SHQ1: variants seen among roughly 807,000 people sequenced by gnomAD.
SHQ1 encodes SHQ1, H/ACA ribonucleoprotein assembly factor, also known as protein SHQ1 homolog.
A neutral mutation model predicts 53.8 loss-of-function variants in SHQ1; 49 were observed. The ratio of observed to expected loss-of-function variants is 0.91; its 90% CI spans 0.72 to 1.16. The LOEUF (loss-of-function observed/expected upper bound fraction) is 1.16, where lower values mean the gene tolerates loss of function less well. Among genes scored for constraint, SHQ1 ranks in the 50% most tolerant of loss-of-function variants. The pLI, the probability that SHQ1 is intolerant of heterozygous loss-of-function variation, is 0.00. For missense variants in SHQ1, 738 were observed against 683.1 expected, an observed-to-expected ratio of 1.08 and a Z score of -0.90; for synonymous variants, 243 against 251.0, an observed-to-expected ratio of 0.97 and a Z score of 0.30.
At chr3:72,744,922 T>G (rs887202145), downstream of SHQ1, among the ~76,000 whole-genome samples, 1 of 81,022 alleles carries the variant, frequency 1.2e-5, no homozygotes, top group African/African-American at 6.2e-5. Context: ...ATTTGATACA[T>G]TGGGGGGGGG....
At chr3:72,772,529 A>G (rs1303249574) in intron 10 of SHQ1, 3 of 645,450 alleles carry the variant, frequency 4.6e-6, no homozygotes, top group Non-Finnish European at 8.8e-6. Flanking sequence ...CAAGTCGTAC[A>G]CAACCTAAGC....
At chr3:72,772,558 T>C (rs1411411201) in intron 10 of SHQ1, 1 of 684,446 alleles carries the variant, frequency 1.5e-6, no homozygotes, top group African/African-American at 1.8e-5. Flanking sequence ...ATGGGAAGAT[T>C]GGGCAATTTA....
In SHQ1 at chr3:72,775,733, G is replaced by A. The variant is rs561539493; in HGVS notation, c.1181+17183C>T. On this transcript the variant is annotated intron_variant, in intron 10 of 10. Coordinates refer to ENST00000325599, the MANE Select transcript of SHQ1 (RefSeq NM_018130.3). Reference sequence around the variant, plus strand: ...AGGTTTATCCCAGGAATGCAAGGCCGAATTTGTTCGAAATTTTACACATGC... The same window carrying A: ...AGGTTTATCCCAGGAATGCAAGGCCAAATTTGTTCGAAATTTTACACATGC... Among the ~76,000 whole-genome samples, 164 of 152,072 alleles carry A rather than the reference G, an allele frequency of 1.1e-3. 1 individual carries two copies. The highest frequency in any genetic ancestry group is 3.7e-3 in the African/African-American group (152 of 41,504).
At chr3:72,841,599 C>T (rs981078162) in intron 3 of SHQ1, among the ~76,000 whole-genome samples, 15 of 152,136 alleles carry the variant, frequency 9.9e-5, no homozygotes, top group Non-Finnish European at 1.5e-4. Flanking sequence ...TGGTATTCTT[C>T]GGGTGTTGGA....
At chr3:72,729,647 C>A in the SHQ1 span, among the ~76,000 whole-genome samples, 7 of 152,164 alleles carry the variant, frequency 4.6e-5, no homozygotes, top group Non-Finnish European at 8.8e-5. Context: ...TACATCTAAA[C>A]ACAATTTATG....
At chr3:72,800,026 G>A (rs1706737450) in intron 9 of SHQ1, among the ~76,000 whole-genome samples, 1 of 152,128 alleles carries the variant, frequency 6.6e-6, no homozygotes, top group Non-Finnish European at 1.5e-5. Context: ...GCATCTGTTG[G>A]AAAGTTAATC....
At chr3:72,732,536 C>T in the SHQ1 span, among the ~76,000 whole-genome samples, 2 of 150,184 alleles carry the variant, frequency 1.3e-5, no homozygotes, top group African/African-American at 5.0e-5. Flanking sequence ...GATTTCTCCC[C>T]TTGGTACCCA....
At chr3:72,740,387 T>C in the SHQ1 span, among the ~76,000 whole-genome samples, 6 of 152,110 alleles carry the variant, frequency 3.9e-5, no homozygotes, top group Non-Finnish European at 8.8e-5. Context: ...GGTGTCCAAA[T>C]TGGGATGAAT....
chr3:72,748,311 C>A (rs1705290873), downstream of SHQ1, among the ~76,000 whole-genome samples: 1 of 85,094 alleles, frequency 1.2e-5, no homozygotes, highest in South Asian at 4.4e-4. Flanking sequence ...GGCATCCAAT[C>A]AAAGACTATG....
chr3:72,759,087 T>C (rs1372575436), intron 10 of SHQ1, among the ~76,000 whole-genome samples: 2 of 152,228 alleles, frequency 1.3e-5, no homozygotes, highest in African/African-American at 4.8e-5. Context: ...GTTTGTGTCT[T>C]AGTGTCTCTT....
At chr3:72,780,177 A>G (rs1250856293) in intron 10 of SHQ1, among the ~76,000 whole-genome samples, 1 of 152,248 alleles carries the variant, frequency 6.6e-6, no homozygotes, top group Non-Finnish European at 1.5e-5. Context: ...ATCACAATAA[A>G]GCTTCTGAAA....
At chr3:72,741,459 G>A in the SHQ1 span, among the ~76,000 whole-genome samples, 15 of 152,220 alleles carry the variant, frequency 9.9e-5, no homozygotes, top group East Asian at 2.1e-3. Flanking sequence ...GGTGGCAGAC[G>A]CCTGTAATCC....
chr3:72,828,733 G>A (rs1322321684), intron 5 of SHQ1, among the ~76,000 whole-genome samples: 1 of 152,102 alleles, frequency 6.6e-6, no homozygotes, highest in Non-Finnish European at 1.5e-5. Flanking sequence ...TATAGGTGGG[G>A]AAATGCAAAC....
In SHQ1 at chr3:72,848,402, C is replaced by G. The variant is rs1575749080; in HGVS notation, c.-62G>C. 3 of 1,600,054 alleles carry G rather than the reference C, an allele frequency of 1.9e-6. No homozygotes were observed. The highest frequency in any genetic ancestry group is 1.7e-5 in the Admixed American group (1 of 58,672). ...TCACTGCCGCCGCGTTCCCGCCACG[C>G]AAACTCTCCAACTCCCCACGCGCAG... On this transcript the variant is annotated 5_prime_UTR_variant, in exon 1 of 11. Transcript: ENST00000325599.
At position 72,754,356 on chromosome 3, in the gene SHQ1, A is replaced by G. The variant is rs556236675; in HGVS notation, c.1182-3520T>C. The stretch of plus-strand genomic sequence containing the variant: ...CCTCCCATGAATATACAGGCTCTGC[A>G]AAGTGTTCTTCTCTTCTTTTTCTTC... On this transcript the variant is annotated intron_variant, in intron 10 of 10. Transcript: ENST00000325599. 5.5e-4 allele frequency among the ~76,000 whole-genome samples: 84 copies of G among 151,506 alleles called. 1 individual carries two copies. The South Asian group carries it at 0.014, about 24-fold the overall frequency.
At chr3:72,827,446 G>A (rs937050130) in intron 5 of SHQ1, among the ~76,000 whole-genome samples, 11 of 152,004 alleles carry the variant, frequency 7.2e-5, no homozygotes, top group African/African-American at 2.7e-4. Context: ...GAGCCTAACT[G>A]AAAAGATGCT....
Position 72,848,400 on chromosome 3 carries a change from C to T in SHQ1, c.-60G>A, listed in dbSNP as rs1363376673. On this transcript the variant is annotated 5_prime_UTR_variant, in exon 1 of 11. The change creates a new upstream start codon in the 5' untranslated region. Coordinates refer to ENST00000325599, the MANE Select transcript of SHQ1 (RefSeq NM_018130.3). ...TCTCACTGCCGCCGCGTTCCCGCCA[C>T]GCAAACTCTCCAACTCCCCACGCGC... 4 of 1,601,390 alleles carry T rather than the reference C, an allele frequency of 2.5e-6. No homozygotes were observed. The African/African-American group carries it at 4.0e-5, about 16-fold the overall frequency.
intron 6 of SHQ1, among the ~76,000 whole-genome samples, chr3:72,823,423 G>C (rs1052397654): frequency 2.0e-5 from 3 of 152,108 alleles, no homozygotes; most frequent in African/African-American, 4.8e-5. Context: ...ATGCATTAGA[G>C]ACCCTGTAGC....
intron 5 of SHQ1, among the ~76,000 whole-genome samples, chr3:72,828,021 T>C (rs139880136): frequency 6.6e-6 from 1 of 152,086 alleles, no homozygotes; most frequent in Non-Finnish European, 1.5e-5. Context: ...CCCAAAGTGC[T>C]GGGATTACAG....
Sources: gnomAD v4.1 joint callset for allele counts (sites outside exome capture counted in the v4.1 genomes callset) on GRCh38, gnomAD v4.1.1 for gene constraint, MANE v1.5 for transcripts, NCBI Gene and HGNC (gene_info 2026-07-23, HGNC 2026-07-21) for gene names.